The following CCBE1 variants were observed in gnomAD, a reference collection of about 807,000 sequenced individuals.
The protein encoded by CCBE1 is collagen and calcium-binding EGF domain-containing protein 1.
Under a neutral mutation model 50.0 loss-of-function variants are expected in CCBE1, and 37 were observed. The ratio of observed to expected loss-of-function variants is 0.74; its 90% CI spans 0.57 to 0.97. CCBE1 has a LOEUF of 0.97. CCBE1 is among the 50% of genes least tolerant of loss of function. The pLI, the probability that CCBE1 is intolerant of heterozygous loss-of-function variation, is 0.00. For synonymous variants in CCBE1, 234 were observed against 203.7 expected, an observed-to-expected ratio of 1.15 and a Z score of -1.27; for missense variants, 538 against 523.8, an observed-to-expected ratio of 1.03 and a Z score of -0.26.
intron 6 of CCBE1, among the ~76,000 whole-genome samples, chr18:59,454,578 G>A (rs924756749): frequency 2.6e-5 from 4 of 152,138 alleles, no homozygotes; most frequent in South Asian, 2.1e-4. Context: ...TGCAATAGCC[G>A]TAGCTCACCC....
chr18:59,507,778 G>A (rs1000274907), intron 2 of CCBE1, among the ~76,000 whole-genome samples: 1 of 152,120 alleles, frequency 6.6e-6, no homozygotes. Flanking sequence ...TTTCCTTTGT[G>A]ATTAACAGTA....
At chr18:59,459,775 C>T (rs1355888776) in intron 5 of CCBE1, among the ~76,000 whole-genome samples, 1 of 152,192 alleles carries the variant, frequency 6.6e-6, no homozygotes, top group African/African-American at 2.4e-5. Context: ...ACATTACAAT[C>T]ACCTGGAGGG....
intron 2 of CCBE1, chr18:59,563,967 T>C (rs775600755): frequency 3.9e-5 from 6 of 152,096 alleles, no homozygotes; most frequent in Non-Finnish European, 8.8e-5. Context: ...GACGTGAGAA[T>C]AACCATCTGG....
chr18:59,596,982 T>C (rs979685015), intron 2 of CCBE1, among the ~76,000 whole-genome samples: 2 of 152,208 alleles, frequency 1.3e-5, no homozygotes. Flanking sequence ...GTTCTGAAGA[T>C]ACAGCAAGCA....
At chr18:59,505,005 G>C (rs1299517695) in intron 2 of CCBE1, among the ~76,000 whole-genome samples, 2 of 152,098 alleles carry the variant, frequency 1.3e-5, no homozygotes, top group Non-Finnish European at 2.9e-5. Flanking sequence ...ATGCATCATG[G>C]GGCCCTGGGT....
At chr18:59,614,159 C>A (rs2053608083) in intron 2 of CCBE1, among the ~76,000 whole-genome samples, 2 of 152,092 alleles carry the variant, frequency 1.3e-5, no homozygotes, top group Admixed American at 1.3e-4. Flanking sequence ...CCACACACCG[C>A]CATGCCCCGC....
At chr18:59,685,314 A>G (rs1244187508) in intron 2 of CCBE1, among the ~76,000 whole-genome samples, 1 of 152,120 alleles carries the variant, frequency 6.6e-6, no homozygotes, top group African/African-American at 2.4e-5. Context: ...TAGTCCCTCC[A>G]TCACTTCCCT....
At chr18:59,447,331 G>T (rs1910722686) in intron 7 of CCBE1, among the ~76,000 whole-genome samples, 1 of 152,174 alleles carries the variant, frequency 6.6e-6, no homozygotes, top group Non-Finnish European at 1.5e-5. Flanking sequence ...TGGGGAAGTG[G>T]ACATGTGCAC....
At chr18:59,458,624 G>A (rs1911317095) in intron 5 of CCBE1, among the ~76,000 whole-genome samples, 1 of 152,302 alleles carries the variant, frequency 6.6e-6, no homozygotes, top group South Asian at 2.1e-4. Flanking sequence ...ACTTGCCTTA[G>A]GTCTTTCAGA....
intron 2 of CCBE1, among the ~76,000 whole-genome samples, chr18:59,535,896 C>T (rs1477223290): frequency 6.6e-6 from 1 of 152,116 alleles, no homozygotes; most frequent in Non-Finnish European, 1.5e-5. Flanking sequence ...CTATGTTGCC[C>T]AAGCTGGTCT....
rs113703022 is a variant in CCBE1 at position 59,679,245 on chromosome 18, G to C, written c.212+17384C>G. ...AAACTTGCCCAGAATTAACACATCT[G>C]TTAAAATTTAAATATCGCTCACTAG... On this transcript the variant is annotated intron_variant, in intron 2 of 10. Transcript: ENST00000439986. Among the ~76,000 whole-genome samples the C allele has an allele frequency of 7.5e-4, 114 of 152,224 alleles. 1 individual carries two copies. The highest frequency in any genetic ancestry group is 2.7e-3 in the African/African-American group (112 of 41,524).
chr18:59,468,257 T>A (rs1034439326), intron 4 of CCBE1, among the ~76,000 whole-genome samples: 1 of 152,170 alleles, frequency 6.6e-6, no homozygotes, highest in African/African-American at 2.4e-5. Flanking sequence ...TAGTGGCGCA[T>A]GCCTGTAGCT....
chr18:59,457,214 C>T (rs1911237433), intron 5 of CCBE1, among the ~76,000 whole-genome samples: 1 of 152,228 alleles, frequency 6.6e-6, no homozygotes, highest in African/African-American at 2.4e-5. Context: ...GCTTCCTCAC[C>T]TGTACTCCCT....
intron 2 of CCBE1, among the ~76,000 whole-genome samples, chr18:59,583,666 T>TGC (rs1568218374): frequency 1.1e-5 from 1 of 91,246 alleles, no homozygotes; most frequent in African/African-American, 4.7e-5. Context: ...TGTGTGTGTG[T>TGC]GTGTGTGTGT....
intron 2 of CCBE1, among the ~76,000 whole-genome samples, chr18:59,480,764 T>TTG (rs397932809): frequency 2.2e-4 from 33 of 151,946 alleles, no homozygotes; most frequent in African/African-American, 7.7e-4. Flanking sequence ...TTTTTTTTTT[T>TTG]AAAACACTTG....
chr18:59,581,326 A>AG (rs1012683631), intron 2 of CCBE1, among the ~76,000 whole-genome samples: 13 of 151,934 alleles, frequency 8.6e-5, no homozygotes, highest in African/African-American at 3.1e-4. Context: ...CTGTAATCCC[A>AG]GCTACTCAGG....
intron 5 of CCBE1, among the ~76,000 whole-genome samples, chr18:59,457,577 T>C (rs1387711942): frequency 6.6e-6 from 1 of 152,144 alleles, no homozygotes; most frequent in Non-Finnish European, 1.5e-5. Flanking sequence ...CCAGCAGTTT[T>C]CAGGCCCACC....
intron 2 of CCBE1, among the ~76,000 whole-genome samples, chr18:59,526,975 G>A (rs1224002342): frequency 6.6e-6 from 1 of 152,200 alleles, no homozygotes; most frequent in East Asian, 1.9e-4. Context: ...TAAGAAGAAT[G>A]CATATTCTAT....
At chr18:59,469,332 G>A in intron 4 of CCBE1, 141 bp downstream of exon 4, 1 of 1,149,772 alleles carries the variant, frequency 8.7e-7, no homozygotes, top group African/African-American at 1.5e-5. Flanking sequence ...TGTGATGAAG[G>A]GCAGTGATAA....
Sources: allele counts gnomAD v4.1 joint callset (sites outside exome capture counted in the v4.1 genomes callset), GRCh38; gene constraint gnomAD v4.1.1; transcripts MANE v1.5; gene names NCBI Gene and HGNC (gene_info 2026-07-23, HGNC 2026-07-21).